PCSK2: variants seen among roughly 807,000 people sequenced by gnomAD.
PCSK2 encodes neuroendocrine convertase 2.
A neutral mutation model predicts 69.7 loss-of-function variants in PCSK2; 14 were observed. The observed-to-expected ratio is 0.20, with a 90% CI of 0.13 to 0.31. The LOEUF is 0.31. Among genes scored for constraint, PCSK2 ranks in the 10% least tolerant of loss-of-function variants. The probability of loss-of-function intolerance (pLI) is 1.00; values close to 1 mark genes in which losing one functional copy is unlikely to be tolerated. For synonymous variants in PCSK2, 307 were observed against 320.7 expected (o/e 0.96, Z 0.46); for missense variants, 544 against 842.5 (o/e 0.65, Z 4.39).
intron 5 of PCSK2, among the ~76,000 whole-genome samples, chr20:17,396,883 G>T (rs908120589): frequency 6.6e-6 from 1 of 152,188 alleles, no homozygotes; most frequent in Non-Finnish European, 1.5e-5. Flanking sequence ...GACCTCAGCA[G>T]TGAAGGCCTC....
chr20:17,335,615 C>G (rs1479440373), intron 2 of PCSK2, among the ~76,000 whole-genome samples: 6 of 151,910 alleles, frequency 3.9e-5, no homozygotes, highest in Admixed American at 3.9e-4. Flanking sequence ...GTACACTGTC[C>G]CCAGTGTGTA....
intron 5 of PCSK2, among the ~76,000 whole-genome samples, chr20:17,370,920 G>T (rs2030739715): frequency 6.6e-6 from 1 of 152,178 alleles, no homozygotes; most frequent in Non-Finnish European, 1.5e-5. Flanking sequence ...GTGTGGCAGG[G>T]ATCATGGCCT....
intron 2 of PCSK2, among the ~76,000 whole-genome samples, chr20:17,339,994 T>A (rs150806622): frequency 1.1e-3 from 168 of 152,356 alleles, no homozygotes; most frequent in Non-Finnish European, 1.9e-3. Flanking sequence ...GCCTGTTATG[T>A]GACGCATTCC....
At chr20:17,274,894 C>T (rs1425333077) in intron 2 of PCSK2, among the ~76,000 whole-genome samples, 1 of 151,924 alleles carries the variant, frequency 6.6e-6, no homozygotes, top group South Asian at 2.1e-4. Context: ...TTAAAATGAA[C>T]CCCAAGACAC....
At chr20:17,255,571 G>A (rs1165733079) in intron 1 of PCSK2, among the ~76,000 whole-genome samples, 1 of 152,110 alleles carries the variant, frequency 6.6e-6, no homozygotes, top group East Asian at 1.9e-4. Flanking sequence ...TTGATCTCCT[G>A]ACCTTGATAT....
intron 2 of PCSK2, among the ~76,000 whole-genome samples, chr20:17,336,447 T>C (rs1321754398): frequency 1.3e-5 from 2 of 152,218 alleles, no homozygotes; most frequent in African/African-American, 4.8e-5. Flanking sequence ...ACTGTGCGAA[T>C]GTCACTGAAT....
At chr20:17,226,751 T>A (rs1268189924), upstream of PCSK2, among the ~76,000 whole-genome samples, 3 of 146,318 alleles carry the variant, frequency 2.1e-5, no homozygotes, top group Non-Finnish European at 4.5e-5. Context: ...CGGGCCAGGC[T>A]GAGATGGGGG....
chr20:17,241,344 T>C lies in PCSK2; in HGVS notation c.177+13862T>C, dbSNP rs61604270. Among the ~76,000 whole-genome samples the C allele has an allele frequency of 3.2e-3, 487 of 152,308 alleles. 4 individuals carry two copies. Among genetic ancestry groups the C allele is most frequent in the African/African-American group, 0.011 (451 of 41,576 alleles). ...GGGAGATGAGGCCAAAGAAGTGACCTGGGGTCAGTTCATGACCAGTCACCC... is the reference window on the plus strand; with the variant it reads ...GGGAGATGAGGCCAAAGAAGTGACCCGGGGTCAGTTCATGACCAGTCACCC... On this transcript the variant is annotated intron_variant, in intron 1 of 11. Coordinates refer to ENST00000262545, the MANE Select transcript of PCSK2 (RefSeq NM_002594.5).
intron 1 of PCSK2, among the ~76,000 whole-genome samples, chr20:17,256,728 C>G (rs1388900060): frequency 6.6e-6 from 1 of 151,824 alleles, no homozygotes; most frequent in Admixed American, 6.6e-5. Flanking sequence ...CACCCATCAA[C>G]CCATCATCTA....
chr20:17,437,091 G>C (rs904132816), intron 8 of PCSK2, among the ~76,000 whole-genome samples: 5 of 151,912 alleles, frequency 3.3e-5, no homozygotes, highest in Admixed American at 6.6e-5. Context: ...AGCCTCAGAC[G>C]CGATGCCTAC....
At chr20:17,379,733 A>C (rs1311271333) in intron 5 of PCSK2, among the ~76,000 whole-genome samples, 2 of 152,330 alleles carry the variant, frequency 1.3e-5, no homozygotes, top group Non-Finnish European at 2.9e-5. Context: ...AGGTTATTAG[A>C]TTGCATTATA....
intron 1 of PCSK2, among the ~76,000 whole-genome samples, chr20:17,238,108 C>T (rs765681946): frequency 1.3e-5 from 2 of 152,116 alleles, no homozygotes; most frequent in Non-Finnish European, 2.9e-5. Flanking sequence ...TGAAAGTAAA[C>T]ATGTCTGCTA....
intron 2 of PCSK2, among the ~76,000 whole-genome samples, chr20:17,320,658 G>A (rs541946818): frequency 6.6e-6 from 1 of 152,286 alleles, no homozygotes; most frequent in East Asian, 1.9e-4. Flanking sequence ...AAGAAAGTTG[G>A]GTGTTTATCC....
At chr20:17,369,315 T>C (rs376834366) in intron 5 of PCSK2, 38 bp downstream of exon 5, 2 of 1,565,068 alleles carry the variant, frequency 1.3e-6, no homozygotes, top group Non-Finnish European at 1.8e-6. Flanking sequence ...AACAGATGCA[T>C]CTTAAATGTC....
At chr20:17,234,676 A>G (rs1986266557) in intron 1 of PCSK2, among the ~76,000 whole-genome samples, 1 of 152,108 alleles carries the variant, frequency 6.6e-6, no homozygotes, top group Non-Finnish European at 1.5e-5. Context: ...TTTTTTCTCA[A>G]TTGAATGAAT....
At chr20:17,264,992 T>C (rs1327576962) in intron 2 of PCSK2, among the ~76,000 whole-genome samples, 1 of 152,098 alleles carries the variant, frequency 6.6e-6, no homozygotes, top group East Asian at 1.9e-4. Flanking sequence ...GCCTCCTGAG[T>C]AGCTGGGATT....
chr20:17,473,087 CTT>C (rs10648323), intron 11 of PCSK2, among the ~76,000 whole-genome samples: 961 of 76,662 alleles, frequency 0.013, 3 homozygotes, highest in African/African-American at 0.049. Flanking sequence ...AAGAAGAACT[CTT>C]TTTTTTTTTT....
In PCSK2 at chr20:17,292,929, A is replaced by G. The variant is rs1296583204; in HGVS notation, c.282+32585A>G. 3.9e-5 allele frequency among the ~76,000 whole-genome samples: 6 copies of G among 151,966 alleles called. No homozygotes were observed. The South Asian group carries it at 6.2e-4, about 16-fold the overall frequency. On this transcript the variant is annotated intron_variant, in intron 2 of 11. Coordinates refer to ENST00000262545, the MANE Select transcript of PCSK2 (RefSeq NM_002594.5). Reference sequence around the variant, plus strand: ...AGCCCCTGCCTCCTGGGTTCACACGATTCTCCTGCCTCAGCCTCCCGAGTA... The same window carrying G: ...AGCCCCTGCCTCCTGGGTTCACACGGTTCTCCTGCCTCAGCCTCCCGAGTA...
intron 2 of PCSK2, among the ~76,000 whole-genome samples, chr20:17,303,495 A>ATATTAAAT (rs1160086142): frequency 1.6e-5 from 1 of 62,816 alleles, no homozygotes; most frequent in African/African-American, 6.4e-5. Flanking sequence ...TATTATATTT[A>ATATTAAAT]ATATAATATA....
Sources: gnomAD v4.1 joint callset for allele counts (sites outside exome capture counted in the v4.1 genomes callset) on GRCh38, gnomAD v4.1.1 for gene constraint, MANE v1.5 for transcripts, NCBI Gene and HGNC (gene_info 2026-07-23, HGNC 2026-07-21) for gene names.